ADAMTSL5: variants seen among roughly 807,000 people sequenced by gnomAD.
ADAMTSL5 encodes ADAMTS like 5, also known as ADAMTS-like protein 5.
Under a neutral mutation model 51.7 loss-of-function variants are expected in ADAMTSL5, and 53 were observed. The ratio of observed to expected loss-of-function variants is 1.03; its 90% CI spans 0.82 to 1.29. ADAMTSL5 has a LOEUF of 1.29. Ranked by LOEUF, ADAMTSL5 falls within the 50% of genes most tolerant of loss-of-function variation. The pLI, the probability that ADAMTSL5 is intolerant of heterozygous loss-of-function variation, is 0.00. For missense variants in ADAMTSL5, 770 were observed against 676.2 expected (o/e 1.14, Z -1.54); for synonymous variants, 285 against 278.7 (o/e 1.02, Z -0.23).
rs976095412 is a variant in ADAMTSL5 at position 1,508,444 on chromosome 19, A to C, written c.488T>G (p.Leu163Arg). Residue 163 changes from leucine to arginine, a missense_variant and splice_region_variant, in exon 6 of 12, where the codon CTT (leucine) becomes CGT (arginine). Coordinates refer to ENST00000330475, the MANE Select transcript of ADAMTSL5 (RefSeq NM_213604.3). ...GGGCGGGGCCTGACGAGTCCTTACA[A>C]GGCAGCGGCCAGCCACGCAGACCCC... Reference protein sequence around the residue: ...AQGVCVAGRCLSAGCDGLLGS... With the variant: ...AQGVCVAGRCRSAGCDGLLGS... The C allele has an allele frequency of 1.3e-6, 2 of 1,551,640 alleles. No homozygotes were observed. Among genetic ancestry groups the C allele is most frequent in the Non-Finnish European group, 1.7e-6 (2 of 1,154,856 alleles).
At position 1,506,222 on chromosome 19, in the gene ADAMTSL5, C is replaced by T; in HGVS notation, c.1209G>A (p.Leu403=). The change falls in exon 12 of 12, where the codon CTG becomes CTA. Residue 403 remains leucine, a synonymous_variant. Coordinates refer to ENST00000330475, the MANE Select transcript of ADAMTSL5 (RefSeq NM_213604.3). This position sits in a 1 kb window ranked among gnomAD's most constrained non-coding sequence, Gnocchi z 5.6. ...IQLVYKNRSP[L]RAREYVWAPG... ...GCGCCCACACGTACTCGCGTGCCCG[C>T]AGTGGCGAGCGGTTCTTGTAGACGA... The T allele has an allele frequency of 4.4e-6, 7 of 1,600,094 alleles. No homozygotes were observed. Among genetic ancestry groups the T allele is most frequent in the Non-Finnish European group, 6.0e-6 (7 of 1,171,956 alleles).
intron 1 of ADAMTSL5, chr19:1,511,588 GC>G: frequency 2.4e-6 from 3 of 1,261,280 alleles, no homozygotes; most frequent in Non-Finnish European, 2.1e-6. Context: ...TAGGGCTGGG[GC>G]CCCCTCCCCG....
rs1240537958 is a variant in ADAMTSL5 at position 1,506,926 on chromosome 19, G to A, written c.855C>T (p.Val285=). The A allele has an allele frequency of 2.6e-6, 4 of 1,547,506 alleles. No individual in the cohort carries two copies. The highest frequency in any genetic ancestry group is 1.2e-5 in the South Asian group (1 of 83,880). ...GPTSHDLLLQ[V]LLQEPNPGIE... Reference sequence around the variant, plus strand: ...TGCCAGGGTTGGGCTCCTGCAGGAGGACCTGGAGCAGGGGAGGGGACACAG... The same window carrying A: ...TGCCAGGGTTGGGCTCCTGCAGGAGAACCTGGAGCAGGGGAGGGGACACAG... The change falls in exon 10 of 12, where the codon GTC becomes GTT. Residue 285 remains valine (V), a splice_region_variant and synonymous_variant. Transcript: ENST00000330475. The surrounding 1 kb of genome is among the most constrained non-coding windows in gnomAD (Gnocchi z 5.6).
Position 1,507,644 on chromosome 19 carries a change from C to T in ADAMTSL5, c.602-1G>A. 6.2e-7 allele frequency: 1 copy of T among 1,613,446 alleles called. No homozygotes were observed. Among genetic ancestry groups the T allele is most frequent in the Non-Finnish European group, 8.5e-7 (1 of 1,179,930 alleles). On this transcript the variant is annotated splice_acceptor_variant, in intron 7 of 11. Transcript: ENST00000330475. LOFTEE classifies it high-confidence loss of function. ...ACGTTCCAGTACCCAGCGAAGGCAC[C>T]TGGGTGGGAGGGTAGGAGGGTGTTG... is the stretch of plus-strand genomic sequence containing the variant.
Position 1,511,177 on chromosome 19 carries a change from T to TA in ADAMTSL5, c.-217-18_-217-17insT, listed in dbSNP as rs1218462619. The stretch of plus-strand genomic sequence containing the variant: ...GAATGTCATCTGCAATTATTATTGT[T>TA]GTTAGTTAGTTTGTTTTTGAGACGG... On this transcript the variant is annotated splice_polypyrimidine_tract_variant and intron_variant, in intron 1 of 11. Coordinates refer to ENST00000330475, the MANE Select transcript of ADAMTSL5 (RefSeq NM_213604.3). 2.5e-5 allele frequency: 7 copies of TA among 280,922 alleles called. No homozygotes were observed. The highest frequency in any genetic ancestry group is 2.3e-4 in the East Asian group (5 of 21,592). 17.4% of individuals were successfully genotyped at this position (280,922 alleles called of 1,614,324 possible). A position where few individuals can be genotyped will look rare whatever the true frequency, so the allele number is the denominator to read the frequency against.
rs74669101 is a variant in ADAMTSL5, at chr19:1,508,062, G to T, written c.537C>A (p.Arg179=). 8.1e-6 allele frequency: 13 copies of T among 1,610,708 alleles called. No homozygotes were observed. In the East Asian group the frequency reaches 2.0e-4, roughly 25 times the overall value. Residue 179 remains arginine, a synonymous_variant, in exon 7 of 12, where the codon CGC becomes CGA. Transcript: ENST00000330475. ...CGTTGGCGCCTCCGCAGCGGCCACA[G>T]CGGTCCTCGAGGGCACCCGAGCCCA... ...GLLGSGALED[R]CGRCGGANDS... is the part of the protein sequence containing the mutation.
chr19:1,508,880 C>T, intron 5 of ADAMTSL5: 1 of 247,166 alleles, frequency 4.0e-6, no homozygotes, highest in Non-Finnish European at 7.7e-6. Context: ...CACTGAACAC[C>T]TACTGTTTTC....
In ADAMTSL5 at chr19:1,507,224, T is replaced by C. The variant is rs1489520994; in HGVS notation, c.852+18A>G. 1.3e-6 allele frequency: 2 copies of C among 1,526,552 alleles called. No individual in the cohort carries two copies. The highest frequency in any genetic ancestry group is 2.3e-5 in the East Asian group (1 of 44,076). The allele number at this position is 1,526,552 out of a possible 1,614,324, so 94.6% of individuals were successfully genotyped here. ...CCCCAGCCGACCCCCTCTGACCCTG[T>C]TGGAGGCCCAGTGGCACCTGTAGGA... is the stretch of plus-strand genomic sequence containing the variant. On this transcript the variant is annotated intron_variant, in intron 9 of 11. Transcript: ENST00000330475.
chr19:1,512,418 C>T lies in ADAMTSL5; in HGVS notation c.-218+545G>A, dbSNP rs538841541. Among the ~76,000 whole-genome samples the T allele has an allele frequency of 5.3e-5, 8 of 152,278 alleles. No individual in the cohort carries two copies. In the East Asian group the frequency reaches 9.7e-4, roughly 18 times the overall value. ...GAGGGGGGCCAGGTGCGGTGGCTCA[C>T]GCCTGTAATCCCAGCACTTTGGGAG... On this transcript the variant is annotated intron_variant, in intron 1 of 11. Coordinates refer to ENST00000330475, the MANE Select transcript of ADAMTSL5 (RefSeq NM_213604.3).
At chr19:1,511,995 A>C (rs1035506099) in intron 1 of ADAMTSL5, among the ~76,000 whole-genome samples, 1 of 152,166 alleles carries the variant, frequency 6.6e-6, no homozygotes, top group African/African-American at 2.4e-5. Context: ...GAGGAGGCTG[A>C]CTGCCTCTCT....
intron 8 of ADAMTSL5, 22 bp downstream of exon 8, chr19:1,507,535 C>G: frequency 6.2e-7 from 1 of 1,613,020 alleles, no homozygotes; most frequent in African/African-American, 1.3e-5. Context: ...CCGGGTGCCT[C>G]TCGCCTCACA....
chr19:1,505,498 G>C lies in ADAMTSL5; in HGVS notation c.*517C>G, dbSNP rs1047157365. The C allele has an allele frequency of 1.3e-5, 2 of 152,590 alleles. No homozygotes were observed. Among genetic ancestry groups the C allele is most frequent in the Non-Finnish European group, 2.9e-5 (2 of 68,382 alleles). 9.5% of individuals were successfully genotyped at this position (152,590 alleles called of 1,614,324 possible). On this transcript the variant is annotated 3_prime_UTR_variant, in exon 12 of 12. Transcript: ENST00000330475. ...AAAGGGGAAATTGGTACGTTGGTAC[G>C]TTACAGTGCCTGGTTAGGCATGTCT... is the stretch of plus-strand genomic sequence containing the variant.
intron 5 of ADAMTSL5, among the ~76,000 whole-genome samples, chr19:1,509,872 C>T (rs555994605): frequency 1.1e-3 from 170 of 152,284 alleles, no homozygotes; most frequent in Admixed American, 3.5e-3. Context: ...AGCAACATTT[C>T]CTGCTACTGG....
chr19:1,507,683 GGT>G, intron 7 of ADAMTSL5, 40 bp from the exon 8 acceptor site: 1 of 1,579,172 alleles, frequency 6.3e-7, no homozygotes, highest in Non-Finnish European at 8.7e-7. Flanking sequence ...TGCCAGTGGG[GGT>G]GTATTTGAGC....
intron 3 of ADAMTSL5, 28 bp from the exon 4 acceptor site, chr19:1,510,456 C>A: frequency 6.3e-7 from 1 of 1,581,528 alleles, no homozygotes; most frequent in Non-Finnish European, 8.6e-7. Flanking sequence ...GTGGCGAGAA[C>A]CCCCAGGGAC....
rs1335611653 is a variant in ADAMTSL5 at position 1,505,987 on chromosome 19, T to C, written c.*28A>G. ...GGCTGGTCAGATGTATCTTTCTTGC[T>C]GTGTGTGGCCGGGGCTCCTGCAGGG... On this transcript the variant is annotated 3_prime_UTR_variant, in exon 12 of 12. Transcript: ENST00000330475. 3 of 1,510,926 alleles carry C rather than the reference T, an allele frequency of 2.0e-6. No homozygotes were observed. The highest frequency in any genetic ancestry group is 4.7e-5 in the East Asian group (2 of 42,870). 93.6% of individuals were successfully genotyped at this position (1,510,926 alleles called of 1,614,324 possible).
Position 1,506,160 on chromosome 19 carries a change from C to T in ADAMTSL5, c.1271G>A (p.Arg424Gln), listed in dbSNP as rs145040685. 4.2e-5 allele frequency: 68 copies of T among 1,608,836 alleles called. 1 individual carries two copies. The African/African-American group carries it at 5.5e-4, about 13-fold the overall frequency. Residue 424 changes from arginine to glutamine, a missense_variant, in exon 12 of 12, where the codon CGG becomes CAG. Transcript: ENST00000330475. This position sits in a 1 kb window ranked among gnomAD's most constrained non-coding sequence, Gnocchi z 5.6. Reference protein sequence around the residue: ...HCPCPMLAPHRDYLMAVQRLV... With the variant: ...HCPCPMLAPHQDYLMAVQRLV... Reference sequence around the variant, plus strand: ...ACGCTGGACAGCCATCAGGTAGTCCCGGTGGGGTGCCAGCATCGGGCAGGG... The same window carrying T: ...ACGCTGGACAGCCATCAGGTAGTCCTGGTGGGGTGCCAGCATCGGGCAGGG...
At chr19:1,508,851 C>A (rs1725579673) in intron 5 of ADAMTSL5, 1 of 346,456 alleles carries the variant, frequency 2.9e-6, no homozygotes. Flanking sequence ...TTTTTAACAC[C>A]ATTACTCATT....
intron 9 of ADAMTSL5, 146 bp from the exon 10 acceptor site, chr19:1,507,074 T>A: frequency 8.0e-7 from 1 of 1,251,428 alleles, no homozygotes; most frequent in Non-Finnish European, 1.1e-6. Flanking sequence ...TGATCCCCTC[T>A]GACCCTGTCC....
Sources: allele counts gnomAD v4.1 joint callset (sites outside exome capture counted in the v4.1 genomes callset), GRCh38; gene constraint gnomAD v4.1.1; non-coding constraint Gnocchi (gnomAD v3.1); transcripts MANE v1.5; gene names NCBI Gene and HGNC (gene_info 2026-07-23, HGNC 2026-07-21).